The following ZBTB20 variants were observed in gnomAD, a reference collection of about 807,000 sequenced individuals.
The protein encoded by ZBTB20 is zinc finger and BTB domain containing 20, also known as zinc finger and BTB domain-containing protein 20.
In ZBTB20, 9 loss-of-function variants were observed where a neutral mutation model predicts 56.9. The ratio of observed to expected loss-of-function variants is 0.16; its 90% CI spans 0.10 to 0.28. ZBTB20 has a LOEUF of 0.28. Among genes scored for constraint, ZBTB20 ranks in the 10% least tolerant of loss-of-function variants. The pLI, the probability that ZBTB20 is intolerant of heterozygous loss-of-function variation, is 1.00. For missense variants in ZBTB20, 655 were observed against 1,003.0 expected (o/e 0.65, Z 4.69); for synonymous variants, 417 against 420.7 (o/e 0.99, Z 0.11).
At position 114,322,448 on chromosome 3, in the gene ZBTB20, A is replaced by T. The variant is rs995832310; in HGVS notation, c.*16557T>A. On this transcript the variant is annotated 3_prime_UTR_variant, in exon 12 of 12. Transcript: ENST00000675478. ...GCATATCCCTTGAGCCTGTTGTAGT[A>T]CTTTTTTCTGGGAGAGAGGAAATTG... 1 of 152,218 alleles carries T rather than the reference A, an allele frequency of 6.6e-6. No homozygotes were observed. The highest frequency in any genetic ancestry group is 1.5e-5 in the Non-Finnish European group (1 of 68,038). 9.4% of individuals were successfully genotyped at this position (152,218 alleles called of 1,614,324 possible). A position where few individuals can be genotyped will look rare whatever the true frequency, so the allele number is the denominator to read the frequency against.
chr3:115,028,384 T>G (rs1164842183), intron 2 of ZBTB20, among the ~76,000 whole-genome samples: 1 of 150,828 alleles, frequency 6.6e-6, no homozygotes, highest in Non-Finnish European at 1.5e-5. Flanking sequence ...TAGAACTTAC[T>G]ATAAAAAACT....
At chr3:114,737,461 G>A (rs559894339) in intron 5 of ZBTB20, among the ~76,000 whole-genome samples, 17 of 152,198 alleles carry the variant, frequency 1.1e-4, no homozygotes, top group Non-Finnish European at 1.5e-4. Flanking sequence ...AAACCCAACT[G>A]AAATGGAACA....
chr3:114,704,414 A>C (rs1418695669), intron 5 of ZBTB20, among the ~76,000 whole-genome samples: 1 of 152,132 alleles, frequency 6.6e-6, no homozygotes, highest in South Asian at 2.1e-4. Flanking sequence ...TATAGGTTAT[A>C]TATAAACACA....
rs189149289 is a variant in ZBTB20 at position 115,007,195 on chromosome 3, T to C, written c.-506-32779A>G. ...GATTCCTTTACTTTTTCTTGAGTCG[T>C]CTAAAAAAATATGTTTTGATAAAAT... On this transcript the variant is annotated intron_variant, in intron 2 of 11. Coordinates refer to ENST00000675478, the MANE Select transcript of ZBTB20 (RefSeq NM_001348800.3). Among the ~76,000 whole-genome samples, 388 of 151,882 alleles carry C rather than the reference T, an allele frequency of 2.6e-3. 2 individuals carry two copies. The highest frequency in any genetic ancestry group is 9.2e-3 in the African/African-American group (380 of 41,530).
At chr3:114,711,800 G>A (rs987798537) in intron 5 of ZBTB20, among the ~76,000 whole-genome samples, 2 of 152,154 alleles carry the variant, frequency 1.3e-5, no homozygotes, top group Non-Finnish European at 2.9e-5. Context: ...GCAGAGAGTA[G>A]AGCTTCAATA....
chr3:114,412,662 TG>T (rs987028536), intron 7 of ZBTB20, among the ~76,000 whole-genome samples: 1 of 152,160 alleles, frequency 6.6e-6, no homozygotes, highest in Non-Finnish European at 1.5e-5. Context: ...AGATTTCTGC[TG>T]CCATTGTCAA....
intron 7 of ZBTB20, among the ~76,000 whole-genome samples, chr3:114,461,288 CAATCTCCT>C (rs2092316672): frequency 6.7e-6 from 1 of 149,690 alleles, no homozygotes; most frequent in African/African-American, 2.5e-5. Flanking sequence ...ACAAACAAAA[CAATCTCCT>C]CCCCCCCCCC....
intron 7 of ZBTB20, among the ~76,000 whole-genome samples, chr3:114,471,434 G>C (rs2040116610): frequency 6.6e-6 from 1 of 152,110 alleles, no homozygotes; most frequent in African/African-American, 2.4e-5. Context: ...TAAATTCAAA[G>C]ATCAATATTA....
intron 5 of ZBTB20, among the ~76,000 whole-genome samples, chr3:114,800,808 A>C (rs951045773): frequency 5.9e-5 from 9 of 151,348 alleles, no homozygotes; most frequent in African/African-American, 2.2e-4. Flanking sequence ...AAAAGCAAGA[A>C]TCTTTCCAGA....
At chr3:114,528,830 T>C (rs1000156064) in intron 6 of ZBTB20, 2 of 152,154 alleles carry the variant, frequency 1.3e-5, no homozygotes, top group African/African-American at 2.4e-5. Flanking sequence ...GATTTTTTTT[T>C]CCTCAGAAAT....
At chr3:115,078,613 G>GTGTATATATATATATATA (rs769630983) in intron 1 of ZBTB20, among the ~76,000 whole-genome samples, 13 of 137,822 alleles carry the variant, frequency 9.4e-5, no homozygotes, top group South Asian at 2.4e-4. Context: ...GTGTGTGTGT[G>GTGTATATATATATATATA]TATATATATA....
intron 2 of ZBTB20, among the ~76,000 whole-genome samples, chr3:114,997,653 G>T (rs1252456760): frequency 1.3e-5 from 2 of 151,638 alleles, no homozygotes; most frequent in Non-Finnish European, 2.9e-5. Flanking sequence ...ACATAGAAAA[G>T]ATAAAATTAA....
At chr3:114,576,252 C>T (rs929079035) in intron 6 of ZBTB20, among the ~76,000 whole-genome samples, 2 of 151,916 alleles carry the variant, frequency 1.3e-5, no homozygotes, top group Non-Finnish European at 2.9e-5. Flanking sequence ...GTAATCCCAG[C>T]ACTTTGGGAG....
intron 6 of ZBTB20, among the ~76,000 whole-genome samples, chr3:114,599,044 C>T (rs1014727522): frequency 1.3e-5 from 2 of 152,036 alleles, no homozygotes; most frequent in African/African-American, 2.4e-5. Context: ...ACCACCACAC[C>T]GTTTTTAGTT....
chr3:115,075,421 T>C (rs971771537), intron 1 of ZBTB20, among the ~76,000 whole-genome samples: 2 of 152,206 alleles, frequency 1.3e-5, no homozygotes, highest in African/African-American at 4.8e-5. Flanking sequence ...TAGCACAGTG[T>C]CCTCAAGTTT....
At chr3:114,932,151 C>T (rs2107809200) in intron 3 of ZBTB20, among the ~76,000 whole-genome samples, 1 of 152,306 alleles carries the variant, frequency 6.6e-6, no homozygotes, top group Middle Eastern at 3.4e-3. Flanking sequence ...TTGCCAGGGC[C>T]TTTGCACTGA....
At chr3:114,608,535 G>C (rs2057331829) in intron 6 of ZBTB20, among the ~76,000 whole-genome samples, 1 of 152,150 alleles carries the variant, frequency 6.6e-6, no homozygotes, top group Non-Finnish European at 1.5e-5. Flanking sequence ...CATTCCTAAT[G>C]AATCATCCCA....
intron 6 of ZBTB20, among the ~76,000 whole-genome samples, chr3:114,553,785 T>C (rs2050860407): frequency 6.6e-6 from 1 of 152,108 alleles, no homozygotes; most frequent in Non-Finnish European, 1.5e-5. Flanking sequence ...CAGGATTGAG[T>C]AGATGAGAAG....
chr3:114,420,245 C>A (rs554756010), intron 7 of ZBTB20, among the ~76,000 whole-genome samples: 1 of 152,176 alleles, frequency 6.6e-6, no homozygotes, highest in Admixed American at 6.5e-5. Flanking sequence ...TGGGGGTAAG[C>A]AGTATGGGCC....
Sources: gnomAD v4.1 joint callset for allele counts (sites outside exome capture counted in the v4.1 genomes callset) on GRCh38, gnomAD v4.1.1 for gene constraint, MANE v1.5 for transcripts, NCBI Gene and HGNC (gene_info 2026-07-23, HGNC 2026-07-21) for gene names.